The following RALGAPA1 variants were observed in gnomAD, a reference collection of about 807,000 sequenced individuals.
The protein encoded by RALGAPA1 is Ral GTPase activating protein catalytic subunit alpha 1, also known as ral GTPase-activating protein subunit alpha-1.
Under a neutral mutation model 269.6 loss-of-function variants are expected in RALGAPA1, and 52 were observed. The ratio of observed to expected loss-of-function variants is 0.19; its 90% confidence interval spans 0.15 to 0.24. The LOEUF is 0.24. Ranked by LOEUF, RALGAPA1 falls within the 10% of genes least tolerant of loss-of-function variation. RALGAPA1 has a pLI of 1.00. For synonymous variants in RALGAPA1, 817 were observed against 1,008.3 expected (o/e 0.81, Z 3.60); for missense variants, 1,917 against 3,013.9 (o/e 0.64, Z 8.52).
At chr14:35,683,572 T>C in intron 21 of RALGAPA1, 1 of 352,318 alleles carries the variant, frequency 2.8e-6, no homozygotes, top group Non-Finnish European at 5.2e-6. Flanking sequence ...CTAGTGCATA[T>C]ATATACAAAA....
At position 35,760,856 on chromosome 14, in the gene RALGAPA1, T is replaced by C. The variant is rs1448937672; in HGVS notation, c.520A>G (p.Ile174Val). Residue 174 changes from isoleucine (I) to valine (V), a missense_variant, in exon 6 of 42, where the codon ATT becomes GTT. By Grantham distance (29) the Ile-to-Val change is conservative. Transcript: ENST00000680220. Reference protein sequence around the residue: ...EHGPRTLDNLINPPLNLQETQ... With the variant: ...EHGPRTLDNLVNPPLNLQETQ... Reference sequence around the variant, plus strand: ...TCTTGAAGGTTGAGTGGAGGATTAATGAGATTATCTAAAGTTCGAGGTCCA... The same window carrying C: ...TCTTGAAGGTTGAGTGGAGGATTAACGAGATTATCTAAAGTTCGAGGTCCA... The C allele has an allele frequency of 7.6e-6, 12 of 1,577,022 alleles. No homozygotes were observed. The highest frequency in any genetic ancestry group is 1.3e-5 in the African/African-American group (1 of 74,102).
At chr14:35,600,721 G>A (rs1384676718) in intron 36 of RALGAPA1, among the ~76,000 whole-genome samples, 1 of 151,984 alleles carries the variant, frequency 6.6e-6, no homozygotes, top group African/African-American at 2.4e-5. Context: ...TCTTTGCTGA[G>A]ACTATTTTTC....
At chr14:35,574,470 C>G (rs892453270) in intron 37 of RALGAPA1, among the ~76,000 whole-genome samples, 1 of 152,138 alleles carries the variant, frequency 6.6e-6, no homozygotes, top group Non-Finnish European at 1.5e-5. Context: ...ATGTACATAA[C>G]AAAGTCATTC....
intron 7 of RALGAPA1, among the ~76,000 whole-genome samples, chr14:35,755,666 A>G (rs2073105653): frequency 6.6e-6 from 1 of 152,210 alleles, no homozygotes; most frequent in South Asian, 2.1e-4. Flanking sequence ...AGCACTGTGC[A>G]CTATTTAGGC....
At chr14:35,785,079 G>A (rs2075704147) in intron 1 of RALGAPA1, among the ~76,000 whole-genome samples, 2 of 152,122 alleles carry the variant, frequency 1.3e-5, no homozygotes, top group African/African-American at 2.4e-5. Flanking sequence ...AATTGTACAT[G>A]TCCAAAACAG....
At chr14:35,775,206 C>T (rs1246032112) in intron 2 of RALGAPA1, 151 bp from the exon 3 acceptor site, 2 of 581,734 alleles carry the variant, frequency 3.4e-6, no homozygotes, top group Non-Finnish European at 6.0e-6. Flanking sequence ...GACAATATCA[C>T]AGTCACTCTC....
At chr14:35,704,874 A>G (rs1567046701) in intron 16 of RALGAPA1, among the ~76,000 whole-genome samples, 2 of 152,146 alleles carry the variant, frequency 1.3e-5, no homozygotes, top group African/African-American at 4.8e-5. Context: ...GTTTCTCCCA[A>G]TGCAAGTCAG....
At chr14:35,804,434 T>G (rs185691618) in intron 1 of RALGAPA1, among the ~76,000 whole-genome samples, 1 of 151,718 alleles carries the variant, frequency 6.6e-6, no homozygotes, top group East Asian at 1.9e-4. Flanking sequence ...CTGGGCCTGA[T>G]GGTGCACACT....
rs2061556714 is a variant in RALGAPA1, at chr14:35,634,608, T to C, written c.5961A>G (p.Ser1987=). Residue 1987 remains serine, a synonymous_variant, in exon 33 of 42, where the codon TCA becomes TCG. Coordinates refer to ENST00000680220, the MANE Select transcript of RALGAPA1 (RefSeq NM_001346249.2). ...CTGGCTGGAGTTTAGAAGATCGTTC[T>C]GAGTCAGGAGAGTGCAGAGGCTCAG... The part of the protein sequence containing the change: ...KEPEPLHSPD[S]ERSSKLQPVT... 2 of 1,612,830 alleles carry C rather than the reference T, an allele frequency of 1.2e-6. No individual in the cohort carries two copies.
At chr14:35,542,133 G>T in intron 41 of RALGAPA1, 1 of 551,096 alleles carries the variant, frequency 1.8e-6, no homozygotes, top group Non-Finnish European at 2.8e-6. Context: ...CTGTTGGCAT[G>T]TTATCCTAAT....
In RALGAPA1 at chr14:35,723,265, C is replaced by T; in HGVS notation, c.1867-1G>A. 1 of 1,515,264 alleles carries T rather than the reference C, an allele frequency of 6.6e-7. No homozygotes were observed. Among genetic ancestry groups the T allele is most frequent in the Non-Finnish European group, 9.1e-7 (1 of 1,099,424 alleles). 93.9% of individuals were successfully genotyped at this position (1,515,264 alleles called of 1,614,324 possible). On this transcript the variant is annotated splice_acceptor_variant, in intron 14 of 41. Transcript: ENST00000680220. LOFTEE classifies it high-confidence loss of function. Reference sequence around the variant, plus strand: ...CTTTGATCCAGGCAACTATAAGGGTCTATAAAGACAAATATCAGAAATAAC... The same window carrying T: ...CTTTGATCCAGGCAACTATAAGGGTTTATAAAGACAAATATCAGAAATAAC...
chr14:35,735,892 CCA>C (rs2070946685), intron 12 of RALGAPA1, among the ~76,000 whole-genome samples: 1 of 152,112 alleles, frequency 6.6e-6, no homozygotes, highest in Non-Finnish European at 1.5e-5. Flanking sequence ...AGTCTATGCA[CCA>C]CACTCTGAGG....
Position 35,689,809 on chromosome 14 carries a change from A to G in RALGAPA1, c.2602T>C (p.Ser868Pro). The G allele has an allele frequency of 6.4e-7, 1 of 1,568,954 alleles. No individual in the cohort carries two copies. Among genetic ancestry groups the G allele is most frequent in the Non-Finnish European group, 8.6e-7 (1 of 1,165,358 alleles). ...KGAVPVIDSS[S>P]RHAPSLQSST... ...CTCTGCAAGCTTGGTGCATGACGGG[A>G]TGAACTGTCAATGACAGGAACTGCA... The change falls in exon 18 of 42, where the codon TCC becomes CCC. Residue 868 changes from serine (S) to proline (P), a missense_variant. Physicochemically the swap from Ser to Pro is moderately conservative, Grantham distance 74. Transcript: ENST00000680220.
intron 7 of RALGAPA1, among the ~76,000 whole-genome samples, chr14:35,754,377 A>G (rs771078039): frequency 5.9e-5 from 9 of 152,224 alleles, no homozygotes; most frequent in Non-Finnish European, 1.3e-4. Flanking sequence ...CTTAAACTTA[A>G]TAAGACAAGC....
At chr14:35,583,920 T>G (rs989868480) in intron 37 of RALGAPA1, among the ~76,000 whole-genome samples, 1 of 152,004 alleles carries the variant, frequency 6.6e-6, no homozygotes, top group African/African-American at 2.4e-5. Flanking sequence ...ATTGAGGGAA[T>G]TTGCAGCCTG....
intron 37 of RALGAPA1, among the ~76,000 whole-genome samples, chr14:35,589,691 G>GTATTTATT (rs879825033): frequency 1.3e-5 from 2 of 151,640 alleles, no homozygotes; most frequent in African/African-American, 4.9e-5. Flanking sequence ...ATTTATGTAT[G>GTATTTATT]TATTTATTTA....
In RALGAPA1 at chr14:35,742,476, C is replaced by A; in HGVS notation, c.1341G>T (p.Leu447Phe). ...CAATTTCTTCAGGCTCTTGCATGAA[C>A]AAAGGTTTTTCCTCTTGTTGGATCC... ...QEWIQQEEKP[L>F]FMQEPEEIVI... is the part of the protein sequence containing the mutation. Residue 447 changes from leucine (L) to phenylalanine (F), a missense_variant, in exon 11 of 42, where the codon TTG becomes TTT. Around this residue, in one of 11 missense-constraint regions of RALGAPA1, gnomAD observed 462 missense variants for 725.6 expected, o/e 0.64. Coordinates refer to ENST00000680220, the MANE Select transcript of RALGAPA1 (RefSeq NM_001346249.2). 6.3e-7 allele frequency: 1 copy of A among 1,599,052 alleles called. No homozygotes were observed. The highest frequency in any genetic ancestry group is 1.1e-5 in the South Asian group (1 of 90,742).
rs1397698158 is a variant in RALGAPA1, at chr14:35,723,110, G to C, written c.2021C>G (p.Ala674Gly). The change falls in exon 15 of 42, where the codon GCT (alanine) becomes GGT (glycine). Residue 674 changes from alanine to glycine, a missense_variant. Coordinates refer to ENST00000680220, the MANE Select transcript of RALGAPA1 (RefSeq NM_001346249.2). Reference protein sequence around the residue: ...LTMETLTKVLARNLYSLDLSD... With the variant: ...LTMETLTKVLGRNLYSLDLSD... ...GAGATCCAAACTATATAAATTCCTA[G>C]CTAAAACTTTAGTTAATGTCTCCAT... 6.2e-7 allele frequency: 1 copy of C among 1,606,826 alleles called. No homozygotes were observed. The highest frequency in any genetic ancestry group is 2.2e-5 in the East Asian group (1 of 44,806).
At chr14:35,595,351 T>C (rs1358273617) in intron 37 of RALGAPA1, among the ~76,000 whole-genome samples, 1 of 152,112 alleles carries the variant, frequency 6.6e-6, no homozygotes, top group Non-Finnish European at 1.5e-5. Context: ...ATAGTAACCG[T>C]TTTATTATCT....
Sources: gnomAD v4.1 joint callset for allele counts (sites outside exome capture counted in the v4.1 genomes callset) on GRCh38, gnomAD v4.1.1 for gene constraint, gnomAD v4.1.1 regional missense constraint, MANE v1.5 for transcripts, NCBI Gene and HGNC (gene_info 2026-07-23, HGNC 2026-07-21) for gene names.